Variants in DAB2IP observed in about 807,000 individuals in gnomAD.
DAB2IP encodes the protein DAB2 interacting protein.
In DAB2IP, 28 loss-of-function variants were observed where a neutral mutation model predicts 107.2. The ratio of observed to expected loss-of-function variants is 0.26; its 90% CI spans 0.19 to 0.36. DAB2IP has a LOEUF of 0.36. DAB2IP is among the 10% of genes least tolerant of loss of function. The pLI is 1.00. For missense variants in DAB2IP, 1,400 were observed against 1,644.7 expected (o/e 0.85, Z 2.57); for synonymous variants, 755 against 706.4 (o/e 1.07, Z -1.09).
intron 14 of DAB2IP, among the ~76,000 whole-genome samples, chr9:121,779,645 C>T (rs558481109): frequency 1.4e-4 from 22 of 152,322 alleles, no homozygotes; most frequent in Middle Eastern, 3.4e-3. Context: ...TTTCCTTCCC[C>T]GGGTCCTCTG....
At chr9:121,709,648 T>C (rs1176793261) in intron 3 of DAB2IP, among the ~76,000 whole-genome samples, 3 of 152,164 alleles carry the variant, frequency 2.0e-5, no homozygotes, top group Non-Finnish European at 4.4e-5. Flanking sequence ...TAGCCTGTGC[T>C]CATGTGCTCT....
intron 14 of DAB2IP, among the ~76,000 whole-genome samples, chr9:121,779,889 T>C (rs1228936783): frequency 6.6e-6 from 1 of 152,220 alleles, no homozygotes; most frequent in East Asian, 1.9e-4. Flanking sequence ...CCACACCTCT[T>C]GACCTTCCTG....
chr9:121,644,739 A>C (rs993557977), intron 1 of DAB2IP, among the ~76,000 whole-genome samples: 13 of 152,266 alleles, frequency 8.5e-5, no homozygotes, highest in African/African-American at 3.1e-4. Context: ...AACCTCACAA[A>C]ATATTCATAT....
In DAB2IP at chr9:121,571,124, G is replaced by A. The variant is rs140885401; in HGVS notation, c.40+3896G>A. 3.6e-4 allele frequency among the ~76,000 whole-genome samples: 55 copies of A among 152,012 alleles called. No individual in the cohort carries two copies. In the East Asian group the frequency reaches 8.9e-3, roughly 25 times the overall value. ...GAGCTAATTCCTCCTCCTCTTCCCA[G>A]TATCAACTGAAAAGTCACCTCCTCA... On this transcript the variant is annotated intron_variant, in intron 1 of 16. Coordinates refer to the DAB2IP transcript ENST00000259371.
In DAB2IP at chr9:121,629,408, T is replaced by C. The variant is rs556157211; in HGVS notation, c.41-49270T>C. Among the ~76,000 whole-genome samples, 8 of 152,170 alleles carry C rather than the reference T, an allele frequency of 5.3e-5. No homozygotes were observed. In the South Asian group the frequency reaches 8.3e-4, roughly 16 times the overall value. Reference sequence around the variant, plus strand: ...CCATAGATGATGTCCCCAAGCAGCATTGGGTGTGTCCTCATGGCGCCCTTT... The same window carrying C: ...CCATAGATGATGTCCCCAAGCAGCACTGGGTGTGTCCTCATGGCGCCCTTT... On this transcript the variant is annotated intron_variant, in intron 1 of 16. Transcript: ENST00000259371.
At chr9:121,682,606 C>G (rs1214130161) in intron 2 of DAB2IP, among the ~76,000 whole-genome samples, 1 of 152,174 alleles carries the variant, frequency 6.6e-6, no homozygotes, top group East Asian at 1.9e-4. Flanking sequence ...TAGTCCTGCC[C>G]CTGCCTCTTG....
chr9:121,766,406 A>G, intron 8 of DAB2IP, 88 bp from the exon 9 acceptor site: 1 of 1,281,698 alleles, frequency 7.8e-7, no homozygotes, highest in South Asian at 1.3e-5. Flanking sequence ...GGGTAGAGCC[A>G]AGGTTGGAAT....
At chr9:121,591,614 C>G (rs924596827) in intron 1 of DAB2IP, among the ~76,000 whole-genome samples, 2 of 152,164 alleles carry the variant, frequency 1.3e-5, no homozygotes, top group Non-Finnish European at 2.9e-5. Context: ...CTTTGAAAAC[C>G]TAATGAGGAG....
chr9:121,670,097 CT>C (rs1488627870), intron 1 of DAB2IP, among the ~76,000 whole-genome samples: 1 of 152,202 alleles, frequency 6.6e-6, no homozygotes, highest in Non-Finnish European at 1.5e-5. Flanking sequence ...TCCCTAACCC[CT>C]GGCAACCACT....
rs547230950 is a variant in DAB2IP, at chr9:121,735,292, A to G, written c.363-21721A>G. The stretch of plus-strand genomic sequence containing the variant: ...GTGTGCACGGCAGAGCTGAGCCTGG[A>G]GCCTAGGGCCCAGCAGGGGATGGAA... On this transcript the variant is annotated intron_variant, in intron 3 of 15. Transcript: ENST00000408936. Among the ~76,000 whole-genome samples, 97 of 152,164 alleles carry G rather than the reference A, an allele frequency of 6.4e-4. 1 individual carries two copies. The highest frequency in any genetic ancestry group is 1.1e-3 in the Admixed American group (17 of 15,288).
intron 1 of DAB2IP, among the ~76,000 whole-genome samples, chr9:121,579,433 C>T (rs769784008): frequency 3.3e-5 from 5 of 152,158 alleles, no homozygotes; most frequent in Non-Finnish European, 5.9e-5. Context: ...CACCAGGTGA[C>T]CAGGCCAGGC....
intron 1 of DAB2IP, among the ~76,000 whole-genome samples, chr9:121,671,410 A>C (rs200777162): frequency 6.6e-6 from 1 of 152,220 alleles, no homozygotes; most frequent in Non-Finnish European, 1.5e-5. Flanking sequence ...TCCCATCTCA[A>C]AATCCTTAAC....
chr9:121,695,557 G>T (rs935626793), intron 2 of DAB2IP, among the ~76,000 whole-genome samples: 5 of 152,200 alleles, frequency 3.3e-5, no homozygotes, highest in African/African-American at 1.2e-4. Flanking sequence ...CGATGTGAGG[G>T]GGCTAGAGCT....
upstream of DAB2IP, among the ~76,000 whole-genome samples, chr9:121,650,581 A>C (rs12335670): frequency 0.049 from 7,388 of 152,266 alleles, 372 homozygotes; most frequent in East Asian, 0.18. Flanking sequence ...GCCACTTTCC[A>C]TGTGACTGAG....
In DAB2IP at chr9:121,782,590, GC is replaced by G. The variant is rs1177062094; in HGVS notation, c.*96del. ...GCCTGGGGAGGCACCCACGGTTGCA[GC>G]CCCAGCGCGGGTGTCAGGAGGCCGA... is the stretch of plus-strand genomic sequence containing the variant. On this transcript the variant is annotated 3_prime_UTR_variant, in exon 16 of 16. Coordinates refer to ENST00000408936, the Ensembl canonical transcript of DAB2IP. The surrounding 1 kb of genome is among the most constrained non-coding windows in gnomAD (Gnocchi z 6.1). 28 of 1,547,510 alleles carry G rather than the reference GC, an allele frequency of 1.8e-5. No individual in the cohort carries two copies. Among genetic ancestry groups the G allele is most frequent in the Non-Finnish European group, 2.4e-5 (27 of 1,144,282 alleles).
chr9:121,620,437 G>T (rs1191636822), intron 1 of DAB2IP, among the ~76,000 whole-genome samples: 2 of 152,194 alleles, frequency 1.3e-5, no homozygotes, highest in East Asian at 1.9e-4. Flanking sequence ...TTAGAATGAG[G>T]CTTGACCTGC....
At chr9:121,676,359 C>T (rs999938751) in intron 1 of DAB2IP, among the ~76,000 whole-genome samples, 1 of 152,212 alleles carries the variant, frequency 6.6e-6, no homozygotes, top group Non-Finnish European at 1.5e-5. Flanking sequence ...GTGCGCACGT[C>T]CCCTGCTCAG....
In DAB2IP at chr9:121,698,935, G is replaced by C. The variant is rs1402998211; in HGVS notation, c.229-390G>C. Among the ~76,000 whole-genome samples, 1 of 151,940 alleles carries C rather than the reference G, an allele frequency of 6.6e-6. No individual in the cohort carries two copies. The highest frequency in any genetic ancestry group is 2.4e-5 in the African/African-American group (1 of 41,420). ...AGGCGGCAGGGAGGTGAGCGGGGCG[G>C]CCGGCCCTGGCGGTCCCCGGGGGTC... is the stretch of plus-strand genomic sequence containing the variant. On this transcript the variant is annotated intron_variant, in intron 2 of 15. Coordinates refer to ENST00000408936, the Ensembl canonical transcript of DAB2IP. The surrounding 1 kb of genome is among the most constrained non-coding windows in gnomAD (Gnocchi z 4.1).
rs1193483560 is a variant in DAB2IP at position 121,701,997 on chromosome 9, G to T, written c.362+2539G>T. ...TAGCCTCAGTGAGTGGGTGGGACACGAGTGGGAAGGACGGTGGGGGCTTCT... is the reference window on the plus strand; with the variant it reads ...TAGCCTCAGTGAGTGGGTGGGACACTAGTGGGAAGGACGGTGGGGGCTTCT... On this transcript the variant is annotated intron_variant, in intron 3 of 15. Coordinates refer to ENST00000408936, the Ensembl canonical transcript of DAB2IP. The surrounding 1 kb of genome is among the most constrained non-coding windows in gnomAD (Gnocchi z 4.7). Among the ~76,000 whole-genome samples the T allele has an allele frequency of 6.6e-6, 1 of 152,224 alleles. No homozygotes were observed. Among genetic ancestry groups the T allele is most frequent in the Non-Finnish European group, 1.5e-5 (1 of 68,046 alleles).
Sources: allele counts gnomAD v4.1 joint callset (sites outside exome capture counted in the v4.1 genomes callset), GRCh38; gene constraint gnomAD v4.1.1; non-coding constraint Gnocchi (gnomAD v3.1); transcripts MANE v1.5; gene names NCBI Gene and HGNC (gene_info 2026-07-23, HGNC 2026-07-21).